The following AKT3 variants were observed in gnomAD, a reference collection of about 807,000 sequenced individuals.
AKT3 encodes AKT serine/threonine kinase 3.
A neutral mutation model predicts 65.3 loss-of-function variants in AKT3; 15 were observed. That is an observed-to-expected ratio of 0.23 (90% CI 0.15 to 0.35). AKT3 has a LOEUF of 0.35. Ranked by LOEUF, AKT3 falls within the 10% of genes least tolerant of loss-of-function variation. The pLI is 1.00. For synonymous variants in AKT3, 206 were observed against 183.8 expected, an observed-to-expected ratio of 1.12 and a Z score of -0.98; for missense variants, 243 against 576.5, an observed-to-expected ratio of 0.42 and a Z score of 5.92.
intron 2 of AKT3, among the ~76,000 whole-genome samples, chr1:243,792,753 A>G (rs183002201): frequency 2.2e-4 from 34 of 152,354 alleles, no homozygotes; most frequent in Admixed American, 8.5e-4. Context: ...AGCAATGGCC[A>G]TTCCTAGCAT....
intron 12 of AKT3, among the ~76,000 whole-genome samples, chr1:243,526,385 A>T (rs1044355619): frequency 6.6e-6 from 1 of 152,156 alleles, no homozygotes; most frequent in African/African-American, 2.4e-5. Context: ...AGGATGCAGG[A>T]GGAGGTGGAG....
intron 11 of AKT3, among the ~76,000 whole-genome samples, chr1:243,547,494 T>G (rs1672756878): frequency 6.6e-6 from 1 of 152,080 alleles, no homozygotes; most frequent in Non-Finnish European, 1.5e-5. Context: ...ACCAAATACG[T>G]CATAGAAAAC....
intron 2 of AKT3, among the ~76,000 whole-genome samples, chr1:243,801,038 C>T (rs1157709153): frequency 6.6e-6 from 1 of 152,114 alleles, no homozygotes; most frequent in Non-Finnish European, 1.5e-5. Flanking sequence ...TGAAGTTTAC[C>T]ATCTAGCCTA....
chr1:243,742,258 A>T (rs571658201), intron 2 of AKT3, among the ~76,000 whole-genome samples: 2 of 152,224 alleles, frequency 1.3e-5, no homozygotes, highest in Non-Finnish European at 2.9e-5. Context: ...TAAATTGAAA[A>T]TTTTTTTAAA....
intron 2 of AKT3, among the ~76,000 whole-genome samples, chr1:243,756,423 T>A (rs1689141796): frequency 6.6e-6 from 1 of 152,120 alleles, no homozygotes; most frequent in Non-Finnish European, 1.5e-5. Flanking sequence ...GCTCAGAGAA[T>A]GATGGGGACA....
intron 10 of AKT3, among the ~76,000 whole-genome samples, chr1:243,560,935 GGT>G (rs1673732839): frequency 6.6e-6 from 1 of 151,762 alleles, no homozygotes; most frequent in Admixed American, 6.6e-5. Flanking sequence ...TTATAGCAGG[GGT>G]AACTGAACTC....
intron 11 of AKT3, among the ~76,000 whole-genome samples, chr1:243,550,769 C>T (rs1312904214): frequency 1.6e-5 from 2 of 125,284 alleles, no homozygotes; most frequent in African/African-American, 5.5e-5. Context: ...CATGGTGAAA[C>T]CCCATCTCTA....
At chr1:243,743,703 T>C (rs999260774) in intron 2 of AKT3, among the ~76,000 whole-genome samples, 1 of 152,194 alleles carries the variant, frequency 6.6e-6, no homozygotes, top group Non-Finnish European at 1.5e-5. Flanking sequence ...TCATTAGTTA[T>C]CAGGGGAATA....
chr1:243,543,037 G>C (rs900349140), intron 12 of AKT3, among the ~76,000 whole-genome samples: 1 of 151,842 alleles, frequency 6.6e-6, no homozygotes. Flanking sequence ...AAATTAAGTG[G>C]CACCCATTAA....
chr1:243,779,280 G>GT, intron 2 of AKT3, among the ~76,000 whole-genome samples: 1 of 152,192 alleles, frequency 6.6e-6, no homozygotes, highest in African/African-American at 2.4e-5. Context: ...AGATACATTT[G>GT]TAAGTTTGAT....
chr1:243,727,819 G>A (rs1318271232), intron 2 of AKT3, among the ~76,000 whole-genome samples: 3 of 151,972 alleles, frequency 2.0e-5, no homozygotes, highest in Non-Finnish European at 4.4e-5. Context: ...TATTTTGTAA[G>A]TATCAAACTA....
chr1:243,613,951 A>C (rs1678090524), intron 7 of AKT3, among the ~76,000 whole-genome samples: 1 of 152,158 alleles, frequency 6.6e-6, no homozygotes, highest in South Asian at 2.1e-4. Flanking sequence ...TTACAAGAAA[A>C]ACTAAAATTA....
At chr1:243,820,556 A>G (rs2148421711) in intron 2 of AKT3, among the ~76,000 whole-genome samples, 1 of 152,348 alleles carries the variant, frequency 6.6e-6, no homozygotes. Context: ...GAACCATGAT[A>G]AAACATCACA....
intron 4 of AKT3, among the ~76,000 whole-genome samples, chr1:243,649,190 T>C (rs532052885): frequency 6.6e-6 from 1 of 152,122 alleles, no homozygotes; most frequent in South Asian, 2.1e-4. Context: ...GTAATTGACA[T>C]CTATTGTCTT....
intron 8 of AKT3, among the ~76,000 whole-genome samples, chr1:243,580,922 AG>A (rs891905285): frequency 6.6e-6 from 1 of 152,108 alleles, no homozygotes; most frequent in Non-Finnish European, 1.5e-5. Flanking sequence ...GAAGATCCCT[AG>A]GCATTCAGAG....
At chr1:243,828,251 A>C (rs1694294588) in intron 2 of AKT3, among the ~76,000 whole-genome samples, 1 of 152,190 alleles carries the variant, frequency 6.6e-6, no homozygotes, top group South Asian at 2.1e-4. Context: ...GATAAGAGCT[A>C]ATCACACATT....
Position 243,843,461 on chromosome 1 carries a change from T to C in AKT3, c.-112-179A>G, listed in dbSNP as rs1416480070. The C allele has an allele frequency of 8.3e-6, 9 of 1,081,352 alleles. No individual in the cohort carries two copies. The Admixed American group carries it at 4.2e-4, about 50-fold the overall frequency. The allele number at this position is 1,081,352 out of a possible 1,614,324, so 67.0% of individuals were successfully genotyped here. ...CTATAATGAAAGCACTTCCCTAGTC[T>C]TGTGACCAATTTCAAATGATAGTGA... On this transcript the variant is annotated intron_variant, in intron 1 of 13. Transcript: ENST00000673466.
At chr1:243,573,152 T>C (rs1325301827) in intron 8 of AKT3, 104 bp from the exon 9 acceptor site, 5 of 1,353,986 alleles carry the variant, frequency 3.7e-6, no homozygotes, top group African/African-American at 2.9e-5. Flanking sequence ...TGATGATAGA[T>C]AGTGTACTCT....
intron 6 of AKT3, among the ~76,000 whole-genome samples, chr1:243,629,659 G>A (rs1679452728): frequency 6.6e-6 from 1 of 152,170 alleles, no homozygotes; most frequent in African/African-American, 2.4e-5. Context: ...AGGCGTGGTG[G>A]TGGGCACCTG....
Sources: allele counts gnomAD v4.1 joint callset (sites outside exome capture counted in the v4.1 genomes callset), GRCh38; gene constraint gnomAD v4.1.1; transcripts MANE v1.5; gene names NCBI Gene and HGNC (gene_info 2026-07-23, HGNC 2026-07-21).